Variants in PFKFB4 observed in about 807,000 individuals in gnomAD.
The protein encoded by PFKFB4 is 6-phosphofructo-2-kinase/fructose-2,6-biphosphatase 4, also known as 6-phosphofructo-2-kinase/fructose-2,6-bisphosphatase 4.
Under a neutral mutation model 62.8 loss-of-function variants are expected in PFKFB4, and 42 were observed. The ratio of observed to expected loss-of-function variants is 0.67; its 90% CI spans 0.52 to 0.86. The LOEUF (loss-of-function observed/expected upper bound fraction) is 0.86. PFKFB4 is among the 40% of genes least tolerant of loss of function. The probability of loss-of-function intolerance (pLI) is 0.00; values close to 1 mark genes in which losing one functional copy is unlikely to be tolerated. For missense variants in PFKFB4, 475 were observed against 627.2 expected (o/e 0.76, Z 2.59); for synonymous variants, 204 against 240.7 (o/e 0.85, Z 1.41).
At chr3:48,545,368 G>A (rs1312722278) in intron 3 of PFKFB4, among the ~76,000 whole-genome samples, 2 of 152,172 alleles carry the variant, frequency 1.3e-5, no homozygotes, top group African/African-American at 4.8e-5. Flanking sequence ...CCTGACCTCA[G>A]GTGATCCACC....
chr3:48,536,643 G>A (rs536034044), intron 7 of PFKFB4, 180 bp from the exon 8 acceptor site: 26 of 585,486 alleles, frequency 4.4e-5, no homozygotes, highest in East Asian at 1.7e-4. Context: ...AACACAGTGC[G>A]TGTGACGCAC....
intron 9 of PFKFB4, among the ~76,000 whole-genome samples, chr3:48,530,146 G>A (rs1369399484): frequency 1.3e-5 from 2 of 151,736 alleles, no homozygotes; most frequent in African/African-American, 4.8e-5. Flanking sequence ...CCAGCTACTC[G>A]GGAGGCTGAG....
chr3:48,529,815 G>A (rs1483651842), intron 9 of PFKFB4, among the ~76,000 whole-genome samples: 1 of 151,818 alleles, frequency 6.6e-6, no homozygotes, highest in African/African-American at 2.4e-5. Context: ...TTAGCCAGGC[G>A]TAGTGTTGCA....
upstream of PFKFB4, chr3:48,562,533 G>A (rs2043448418): frequency 1.1e-5 from 6 of 540,288 alleles, no homozygotes; most frequent in East Asian, 1.3e-4. The surrounding 1 kb of genome is among the most constrained non-coding windows in gnomAD (Gnocchi z 4.3). Flanking sequence ...AAGACTCCAT[G>A]TGGCAGTGAC....
chr3:48,543,539 C>T (rs1457845422), intron 4 of PFKFB4, 41 bp downstream of exon 4: 3 of 1,543,844 alleles, frequency 1.9e-6, no homozygotes, highest in Non-Finnish European at 2.7e-6. Context: ...GGATGGGCTC[C>T]CATGTGTCAC....
chr3:48,550,416 G>A (rs2043103962), intron 1 of PFKFB4, among the ~76,000 whole-genome samples, 182 bp from the exon 2 acceptor site: 1 of 152,132 alleles, frequency 6.6e-6, no homozygotes. Flanking sequence ...AGCCACCGTT[G>A]GCATGTCCCC....
chr3:48,521,863 T>G lies in PFKFB4; in HGVS notation c.1350+123A>C, dbSNP rs2042103150. ...CCGCCCTGCTGATGGGACAACAGTC[T>G]TGGCAGAAGACTCAAGCTCCCTCTG... On this transcript the variant is annotated intron_variant, in intron 13 of 13. Coordinates refer to ENST00000232375, the MANE Select transcript of PFKFB4 (RefSeq NM_004567.4). This position sits in a 1 kb window ranked among gnomAD's most constrained non-coding sequence, Gnocchi z 5.3. 3 of 845,122 alleles carry G rather than the reference T, an allele frequency of 3.5e-6. No individual in the cohort carries two copies. Among genetic ancestry groups the G allele is most frequent in the East Asian group, 2.5e-5 (1 of 40,736 alleles). 52.4% of individuals were successfully genotyped at this position (845,122 alleles called of 1,614,324 possible).
At chr3:48,557,772 G>C (rs1026370417), upstream of PFKFB4, among the ~76,000 whole-genome samples, 1 of 152,062 alleles carries the variant, frequency 6.6e-6, no homozygotes, top group South Asian at 2.1e-4. Flanking sequence ...CCTGACCTCA[G>C]GTGATACGCC....
chr3:48,553,128 C>G (rs1298345087), intron 1 of PFKFB4, among the ~76,000 whole-genome samples: 5 of 152,182 alleles, frequency 3.3e-5, no homozygotes, highest in African/African-American at 9.7e-5. Flanking sequence ...ACGGCTGCAC[C>G]TGTGGCTCTG....
In PFKFB4 at chr3:48,549,879, C is replaced by G. The variant is rs770981607; in HGVS notation, c.296G>C (p.Gly99Ala). ...ATATACTTACTTCCTGATTTTCAGGCCCTCTTCATTGTCGGGGAGAAAAAA... is the reference window on the plus strand; with the variant it reads ...ATATACTTACTTCCTGATTTTCAGGGCCTCTTCATTGTCGGGGAGAAAAAA... The part of the protein sequence containing the change: ...FEFFLPDNEE[G>A]LKIRKQCALA... The change falls in exon 3 of 14, where the codon GGC becomes GCC. Residue 99 changes from glycine to alanine, a missense_variant. Physicochemically the swap from Gly to Ala is moderately conservative, Grantham distance 60 (BLOSUM62 0). Coordinates refer to ENST00000232375, the MANE Select transcript of PFKFB4 (RefSeq NM_004567.4). 5.0e-6 allele frequency: 8 copies of G among 1,609,034 alleles called. No homozygotes were observed. Among genetic ancestry groups the G allele is most frequent in the Non-Finnish European group, 6.8e-6 (8 of 1,175,318 alleles).
At chr3:48,520,299 C>T (rs2042058311) in intron 13 of PFKFB4, among the ~76,000 whole-genome samples, 1 of 152,160 alleles carries the variant, frequency 6.6e-6, no homozygotes, top group African/African-American at 2.4e-5. Flanking sequence ...GGGTACAGGG[C>T]CTCCTGAAGC....
intron 9 of PFKFB4, among the ~76,000 whole-genome samples, chr3:48,532,742 A>G (rs2107507385): frequency 6.6e-6 from 1 of 152,298 alleles, no homozygotes; most frequent in South Asian, 2.1e-4. Context: ...AGTCCCAGCT[A>G]CTAGGGAGGC....
At chr3:48,563,123 A>G (rs779767464), upstream of PFKFB4, 3 of 1,608,392 alleles carry the variant, frequency 1.9e-6, no homozygotes, top group East Asian at 4.5e-5. This position sits in a 1 kb window ranked among gnomAD's most constrained non-coding sequence, Gnocchi z 4.5. Context: ...ACACCTGGTC[A>G]TCGTGAGGTC....
At position 48,556,015 on chromosome 3, in the gene PFKFB4, A is replaced by G. The variant is rs1276357567; in HGVS notation, c.97+666T>C. The G allele has an allele frequency of 2.3e-6, 1 of 436,126 alleles. No homozygotes were observed. The highest frequency in any genetic ancestry group is 7.1e-5 in the East Asian group (1 of 14,042). 27.0% of individuals were successfully genotyped at this position (436,126 alleles called of 1,614,324 possible). A position where few individuals can be genotyped will look rare whatever the true frequency, so the allele number is the denominator to read the frequency against. ...GGTGAGCCCCTTAACAATTCCATGA[A>G]TTTCAGCATTCTCCTAGCTGTTTCA... On this transcript the variant is annotated intron_variant, in intron 1 of 13. Transcript: ENST00000232375. This position sits in a 1 kb window ranked among gnomAD's most constrained non-coding sequence, Gnocchi z 5.7.
intron 9 of PFKFB4, among the ~76,000 whole-genome samples, chr3:48,531,977 G>A (rs913753521): frequency 1.3e-5 from 2 of 152,172 alleles, no homozygotes; most frequent in African/African-American, 4.8e-5. Context: ...AAATGATGCA[G>A]CTGCTATGGG....
upstream of PFKFB4, chr3:48,562,931 G>A (rs750871049): frequency 1.0e-4 from 168 of 1,605,170 alleles, no homozygotes; most frequent in Non-Finnish European, 1.4e-4. The surrounding 1 kb of genome is among the most constrained non-coding windows in gnomAD (Gnocchi z 4.3). Flanking sequence ...AGGGTGGCGG[G>A]TGGGGCTGCA....
intron 9 of PFKFB4, 132 bp from the exon 10 acceptor site, chr3:48,525,801 C>G (rs1419473136): frequency 4.1e-6 from 2 of 485,194 alleles, no homozygotes; most frequent in East Asian, 6.9e-5. Flanking sequence ...GAACAGAAAC[C>G]TGTCTAAGGA....
Position 48,523,518 on chromosome 3 carries a change from G to A in PFKFB4, c.1285+19C>T, listed in dbSNP as rs1445132322. 5.6e-6 allele frequency: 9 copies of A among 1,610,656 alleles called. No homozygotes were observed. Among genetic ancestry groups the A allele is most frequent in the Non-Finnish European group, 7.6e-6 (9 of 1,177,080 alleles). Reference sequence around the variant, plus strand: ...AAGGTCATGGCTACCCATGGTCAATGTGCAGGAAGCTTCCTTACCATATGC... The same window carrying A: ...AAGGTCATGGCTACCCATGGTCAATATGCAGGAAGCTTCCTTACCATATGC... On this transcript the variant is annotated intron_variant, in intron 12 of 13. Transcript: ENST00000232375.
At chr3:48,540,343 T>G (rs2042761091) in intron 4 of PFKFB4, among the ~76,000 whole-genome samples, 1 of 152,162 alleles carries the variant, frequency 6.6e-6, no homozygotes, top group African/African-American at 2.4e-5. Flanking sequence ...ACACCACCTG[T>G]GCAGGACCAG....
Sources: gnomAD v4.1 joint callset for allele counts (sites outside exome capture counted in the v4.1 genomes callset) on GRCh38, gnomAD v4.1.1 for gene constraint, Gnocchi (gnomAD v3.1) non-coding constraint, MANE v1.5 for transcripts, NCBI Gene and HGNC (gene_info 2026-07-23, HGNC 2026-07-21) for gene names.